Variants in STK32C observed in about 807,000 individuals in gnomAD.
The protein encoded by STK32C is serine/threonine-protein kinase 32C.
A neutral mutation model predicts 56.5 loss-of-function variants in STK32C; 31 were observed. That is an observed-to-expected ratio of 0.55 (90% CI 0.41 to 0.74). The LOEUF (loss-of-function observed/expected upper bound fraction) is 0.74. STK32C is among the 30% of genes least tolerant of loss of function. STK32C has a pLI of 0.00. For missense variants in STK32C, 544 were observed against 676.9 expected (o/e 0.80, Z 2.18); for synonymous variants, 309 against 289.4 (o/e 1.07, Z -0.69).
At chr10:132,215,488 T>C (rs973375007) in intron 10 of STK32C, among the ~76,000 whole-genome samples, 3 of 143,872 alleles carry the variant, frequency 2.1e-5, no homozygotes, top group African/African-American at 7.9e-5. Context: ...TGAGATCTGA[T>C]GGTTTTAAAA....
At chr10:132,331,837 C>A (rs964298909), upstream of STK32C, 1 of 1,495,940 alleles carries the variant, frequency 6.7e-7, no homozygotes, top group Non-Finnish European at 9.0e-7. Context: ...GCCGCGGGCG[C>A]GGAAAAACGG....
chr10:132,287,069 A>G (rs115766047), intron 1 of STK32C, among the ~76,000 whole-genome samples: 3,412 of 152,338 alleles, frequency 0.022, 127 homozygotes, highest in African/African-American at 0.077. Context: ...TAAAAAACAT[A>G]AAATATGTGG....
At chr10:132,271,899 C>T (rs1247689977) in intron 1 of STK32C, among the ~76,000 whole-genome samples, 2 of 152,246 alleles carry the variant, frequency 1.3e-5, no homozygotes, top group Non-Finnish European at 2.9e-5. Context: ...GGGGCTGCCT[C>T]AGTGACAACA....
intron 1 of STK32C, among the ~76,000 whole-genome samples, chr10:132,276,706 G>A (rs1361651184): frequency 6.6e-6 from 1 of 152,046 alleles, no homozygotes; most frequent in Non-Finnish European, 1.5e-5. Context: ...AGGATTGCTT[G>A]AGCCCAGGAG....
intron 1 of STK32C, chr10:132,330,494 T>C (rs2138513287): frequency 1.4e-6 from 1 of 717,016 alleles, no homozygotes; most frequent in African/African-American, 1.7e-5. Flanking sequence ...TCCTGATTGG[T>C]AGATAGTTGG....
rs144109067 is a variant in STK32C at position 132,222,384 on chromosome 10, C to T, written c.1251+257G>A. ...CAACACCAGCACACCTGGGCAAGCA[C>T]GAAGGCTTCACATGGCCATCCCCGT... On this transcript the variant is annotated intron_variant, in intron 10 of 11. Coordinates refer to ENST00000298630, the MANE Select transcript of STK32C (RefSeq NM_173575.4). 4.3e-3 allele frequency among the ~76,000 whole-genome samples: 651 copies of T among 151,246 alleles called. 4 individuals carry two copies. The highest frequency in any genetic ancestry group is 0.015 in the African/African-American group (619 of 41,208).
Position 132,307,077 on chromosome 10 carries a change from A to T in STK32C, c.262+495T>A, listed in dbSNP as rs752693827. On this transcript the variant is annotated intron_variant, in intron 1 of 11. Coordinates refer to ENST00000298630, the MANE Select transcript of STK32C (RefSeq NM_173575.4). The surrounding 1 kb of genome is among the most constrained non-coding windows in gnomAD (Gnocchi z 4.4). ...CGGCCTGGCCCTGCCTCCAGCGCAC[A>T]TGGGTGAGCAGAGGATGGACACCGC... The T allele has an allele frequency of 6.6e-6, 1 of 152,430 alleles. No individual in the cohort carries two copies. Among genetic ancestry groups the T allele is most frequent in the Non-Finnish European group, 1.5e-5 (1 of 68,172 alleles). The allele number at this position is 152,430 out of a possible 1,614,324, so 9.4% of individuals were successfully genotyped here.
rs745931599 is a variant in STK32C, at chr10:132,222,861, G to A, written c.1119C>T (p.Asn373=). ...CCACCTGAGCCGCCCACAGGCTTAC[G>A]TTGGGCACGAAGCCCGGCTCCACCC... ...EKRVEPGFVP[N]KGRLHCDPTF... The change falls in exon 9 of 12, where the codon AAC becomes AAT. Residue 373 remains asparagine (N), a splice_region_variant and synonymous_variant. Coordinates refer to ENST00000298630, the MANE Select transcript of STK32C (RefSeq NM_173575.4). 21 of 1,589,358 alleles carry A rather than the reference G, an allele frequency of 1.3e-5. No homozygotes were observed. Among genetic ancestry groups the A allele is most frequent in the East Asian group, 6.9e-5 (3 of 43,270 alleles).
intron 2 of STK32C, among the ~76,000 whole-genome samples, chr10:132,229,105 A>G (rs2063003411): frequency 6.6e-6 from 1 of 152,248 alleles, no homozygotes; most frequent in Non-Finnish European, 1.5e-5. Context: ...TTGAGGATGA[A>G]GATCCCCAAA....
intron 4 of STK32C, 39 bp downstream of exon 4, chr10:132,226,756 C>T: frequency 6.3e-7 from 1 of 1,598,304 alleles, no homozygotes; most frequent in East Asian, 2.2e-5. Flanking sequence ...CAGCCCCGCC[C>T]ACCTCAGCAG....
chr10:132,310,501 C>G (rs1474418668), upstream of STK32C, among the ~76,000 whole-genome samples: 3 of 152,140 alleles, frequency 2.0e-5, no homozygotes, highest in Non-Finnish European at 4.4e-5. This position sits in a 1 kb window ranked among gnomAD's most constrained non-coding sequence, Gnocchi z 4.6. Context: ...AGGATGCCAA[C>G]CCCTGGTGCC....
At chr10:132,275,494 G>C (rs1026774095) in intron 1 of STK32C, among the ~76,000 whole-genome samples, 1 of 152,198 alleles carries the variant, frequency 6.6e-6, no homozygotes, top group African/African-American at 2.4e-5. Flanking sequence ...CAAGCAATAA[G>C]AGAGCCCAGG....
At chr10:132,263,445 G>A (rs1336320162) in intron 1 of STK32C, among the ~76,000 whole-genome samples, 1 of 152,118 alleles carries the variant, frequency 6.6e-6, no homozygotes, top group African/African-American at 2.4e-5. Context: ...CGAGGCAGGG[G>A]AGAAGAGGAG....
At chr10:132,274,211 G>T (rs2138180555) in intron 1 of STK32C, among the ~76,000 whole-genome samples, 1 of 152,318 alleles carries the variant, frequency 6.6e-6, no homozygotes, top group East Asian at 1.9e-4. Flanking sequence ...GGACTCAGCG[G>T]AGAGGCTGGC....
chr10:132,257,649 T>C (rs1483806664), intron 1 of STK32C, among the ~76,000 whole-genome samples: 2 of 117,560 alleles, frequency 1.7e-5, no homozygotes, highest in South Asian at 5.7e-4. Flanking sequence ...CCCTGCCCTC[T>C]CTCTGCCTCT....
At chr10:132,331,571 C>G (rs2138532299) in exon 1 of STK32C, 1 of 1,612,942 alleles carries the variant, frequency 6.2e-7, no homozygotes, top group East Asian at 2.2e-5. Context: ...TGGGAAGTGG[C>G]TCCAGGAAGC....
chr10:132,222,919 G>A lies in STK32C; in HGVS notation c.1061C>T (p.Ala354Val). The A allele has an allele frequency of 1.3e-6, 2 of 1,560,464 alleles. No homozygotes were observed. The highest frequency in any genetic ancestry group is 4.8e-5 in the East Asian group (2 of 41,644). The change falls in exon 9 of 12, where the codon GCC becomes GTC. Residue 354 changes from alanine (A) to valine (V), a missense_variant. Ala to Val is a moderately conservative substitution (Grantham distance 64). Transcript: ENST00000298630. ...LQDVQAAPAL[A>V]GVLWDHLSEK... Reference sequence around the variant, plus strand: ...GCTCAGGTGGTCCCACAGCACGCCGGCCAGCGCCGGGGCTGCCTGCACGTC... The same window carrying A: ...GCTCAGGTGGTCCCACAGCACGCCGACCAGCGCCGGGGCTGCCTGCACGTC...
intron 1 of STK32C, among the ~76,000 whole-genome samples, chr10:132,247,499 G>C (rs1033881631): frequency 3.3e-5 from 5 of 152,170 alleles, no homozygotes; most frequent in African/African-American, 1.2e-4. Context: ...GAGCTGGCCT[G>C]AAGGCGCAGG....
chr10:132,260,480 C>A (rs1157078277), intron 1 of STK32C, among the ~76,000 whole-genome samples: 1 of 152,246 alleles, frequency 6.6e-6, no homozygotes, highest in Non-Finnish European at 1.5e-5. Context: ...CCCTCCCATA[C>A]CCTCCCACCG....
Sources: gnomAD v4.1 joint callset for allele counts (sites outside exome capture counted in the v4.1 genomes callset) on GRCh38, gnomAD v4.1.1 for gene constraint, Gnocchi (gnomAD v3.1) non-coding constraint, MANE v1.5 for transcripts, NCBI Gene and HGNC (gene_info 2026-07-23, HGNC 2026-07-21) for gene names.